CCDC171: variants seen among roughly 807,000 people sequenced by gnomAD.
CCDC171 encodes coiled-coil domain containing 171.
In CCDC171, 177 loss-of-function variants were observed where a neutral mutation model predicts 168.2. The observed-to-expected ratio is 1.05, with a 90% CI of 0.93 to 1.19. The LOEUF is 1.19. Among genes scored for constraint, CCDC171 ranks in the 50% most tolerant of loss-of-function variants. The probability of loss-of-function intolerance (pLI) is 0.00; values close to 1 mark genes in which losing one functional copy is unlikely to be tolerated. For synonymous variants in CCDC171, 687 were observed against 540.8 expected (o/e 1.27, Z -3.75); for missense variants, 1,991 against 1,539.0 (o/e 1.29, Z -4.91).
intron 18 of CCDC171, among the ~76,000 whole-genome samples, chr9:15,774,949 CAG>C (rs1044498056): frequency 2.0e-5 from 3 of 152,256 alleles, no homozygotes; most frequent in East Asian, 1.9e-4. Context: ...TTTGGGGACT[CAG>C]GGGAAAGGGT....
chr9:15,680,075 A>G (rs564257927), intron 10 of CCDC171, among the ~76,000 whole-genome samples: 4 of 152,286 alleles, frequency 2.6e-5, no homozygotes, highest in African/African-American at 9.6e-5. Context: ...TTTAGTACTT[A>G]GTTCAGCATC....
intron 8 of CCDC171, among the ~76,000 whole-genome samples, chr9:15,662,544 A>G (rs1251300364): frequency 1.3e-5 from 2 of 152,162 alleles, no homozygotes; most frequent in Non-Finnish European, 2.9e-5. Context: ...AGCATATACC[A>G]TATTATTTCG....
At chr9:15,661,723 A>C (rs1032520189) in intron 8 of CCDC171, among the ~76,000 whole-genome samples, 1 of 152,226 alleles carries the variant, frequency 6.6e-6, no homozygotes, top group South Asian at 2.1e-4. Context: ...AAGCAGACTT[A>C]AAAGAGTTGA....
At chr9:15,583,855 G>A (rs990061154) in intron 4 of CCDC171, among the ~76,000 whole-genome samples, 1 of 152,044 alleles carries the variant, frequency 6.6e-6, no homozygotes, top group African/African-American at 2.4e-5. Flanking sequence ...CTAAAGAAAT[G>A]TTAAGATATA....
chr9:16,049,730 G>T (rs1239674954), intron 1 of CCDC171, among the ~76,000 whole-genome samples: 1 of 152,102 alleles, frequency 6.6e-6, no homozygotes, highest in Non-Finnish European at 1.5e-5. Flanking sequence ...CAGATGGCCT[G>T]TCATGGGGTT....
intron 7 of CCDC171, among the ~76,000 whole-genome samples, chr9:15,643,343 C>T (rs1166226022): frequency 1.3e-5 from 2 of 152,004 alleles, no homozygotes; most frequent in African/African-American, 2.4e-5. Flanking sequence ...AGCATTGGGC[C>T]CATCTGGGAT....
intron 21 of CCDC171, among the ~76,000 whole-genome samples, chr9:15,792,548 A>T (rs1029327198): frequency 1.3e-5 from 2 of 152,194 alleles, no homozygotes; most frequent in Non-Finnish European, 2.9e-5. Context: ...GAAATGAAGG[A>T]AAAAATGTTA....
chr9:15,833,791 C>A (rs1263227386), intron 21 of CCDC171, among the ~76,000 whole-genome samples: 1 of 152,154 alleles, frequency 6.6e-6, no homozygotes, highest in South Asian at 2.1e-4. Flanking sequence ...TCTCATCTAA[C>A]TTTTAAAACA....
chr9:15,875,822 A>G (rs1817763069), intron 24 of CCDC171: 1 of 152,038 alleles, frequency 6.6e-6, no homozygotes, highest in African/African-American at 2.4e-5. Context: ...TGTCTAAAAT[A>G]TATATAATTA....
chr9:16,027,032 G>A (rs1833287911), intron 6 of CCDC171, among the ~76,000 whole-genome samples: 1 of 152,104 alleles, frequency 6.6e-6, no homozygotes, highest in Admixed American at 6.5e-5. Context: ...TCAGTTCTAT[G>A]CCTTGATATT....
chr9:15,571,326 C>G (rs1263347867), intron 2 of CCDC171, among the ~76,000 whole-genome samples: 2 of 152,140 alleles, frequency 1.3e-5, no homozygotes, highest in East Asian at 1.9e-4. Flanking sequence ...AACCCAGTCT[C>G]TTCCAAAATT....
chr9:16,099,448 G>A, the CCDC171 span, among the ~76,000 whole-genome samples: 1 of 152,254 alleles, frequency 6.6e-6, no homozygotes, highest in Admixed American at 6.5e-5. Flanking sequence ...AGGTGAAGAA[G>A]CACAAGGGAG....
intron 23 of CCDC171, among the ~76,000 whole-genome samples, chr9:15,863,277 G>A (rs545138260): frequency 6.6e-6 from 1 of 151,990 alleles, no homozygotes; most frequent in Non-Finnish European, 1.5e-5. Flanking sequence ...AGTGTCTTCA[G>A]TTTTCCCAGT....
At chr9:15,888,934 C>A (rs1331531052) in intron 24 of CCDC171, 2 of 142,852 alleles carry the variant, frequency 1.4e-5, no homozygotes, top group Admixed American at 7.3e-5. Flanking sequence ...ATGGTATATG[C>A]CTCATTTTTC....
At chr9:15,772,526 G>T (rs902690812) in intron 18 of CCDC171, among the ~76,000 whole-genome samples, 1 of 152,152 alleles carries the variant, frequency 6.6e-6, no homozygotes, top group African/African-American at 2.4e-5. Flanking sequence ...TACTCAGAGG[G>T]AATGCTTTAA....
chr9:15,933,049 T>A (rs1826714205), intron 25 of CCDC171, among the ~76,000 whole-genome samples: 1 of 151,206 alleles, frequency 6.6e-6, no homozygotes, highest in Admixed American at 6.6e-5. Context: ...TGGCCTGTAG[T>A]TTTTTTTGTC....
the CCDC171 span, among the ~76,000 whole-genome samples, chr9:16,071,729 C>T: frequency 1.3e-5 from 2 of 152,132 alleles, no homozygotes; most frequent in African/African-American, 4.8e-5. Flanking sequence ...CTTTGTCTGG[C>T]CCCCTAGAGT....
At chr9:15,623,236 T>G in intron 6 of CCDC171, 31 bp from the exon 7 acceptor site, 1 of 1,527,736 alleles carries the variant, frequency 6.5e-7, no homozygotes, top group South Asian at 1.3e-5. Context: ...GCTTATAAAC[T>G]TTATTGATGC....
intron 3 of CCDC171, among the ~76,000 whole-genome samples, chr9:15,989,152 G>A (rs896484543): frequency 8.5e-5 from 13 of 152,176 alleles, no homozygotes; most frequent in East Asian, 1.9e-4. Flanking sequence ...GCTGACCCCC[G>A]AGTAGCCTAA....
Sources: allele counts gnomAD v4.1 joint callset (sites outside exome capture counted in the v4.1 genomes callset), GRCh38; gene constraint gnomAD v4.1.1; transcripts MANE v1.5; gene names NCBI Gene and HGNC (gene_info 2026-07-23, HGNC 2026-07-21).